Variants in B3GALT1 observed in about 807,000 individuals in gnomAD.
B3GALT1 encodes beta-1,3-galactosyltransferase 1.
A neutral mutation model predicts 23.2 loss-of-function variants in B3GALT1; 10 were observed. The ratio of observed to expected loss-of-function variants is 0.43; its 90% CI spans 0.27 to 0.73. B3GALT1 has a LOEUF of 0.73. Among genes scored for constraint, B3GALT1 ranks in the 30% least tolerant of loss-of-function variants. The pLI, the probability that B3GALT1 is intolerant of heterozygous loss-of-function variation, is 0.21. For synonymous variants in B3GALT1, 156 were observed against 141.5 expected (o/e 1.10, Z -0.73); for missense variants, 299 against 405.4 (o/e 0.74, Z 2.25).
At chr2:167,405,508 A>G (rs1288336778) in intron 1 of B3GALT1, among the ~76,000 whole-genome samples, 5 of 152,154 alleles carry the variant, frequency 3.3e-5, no homozygotes, top group African/African-American at 1.2e-4. Flanking sequence ...AGAAAAGCTC[A>G]GAAATTGAGG....
intron 3 of B3GALT1, among the ~76,000 whole-genome samples, chr2:167,781,221 C>T (rs1158946259): frequency 6.6e-6 from 1 of 152,110 alleles, no homozygotes; most frequent in Non-Finnish European, 1.5e-5. Context: ...TTTTTTAATA[C>T]TCAGAGTTCT....
At chr2:167,466,436 G>A (rs1206929013) in intron 1 of B3GALT1, among the ~76,000 whole-genome samples, 1 of 151,540 alleles carries the variant, frequency 6.6e-6, no homozygotes, top group Non-Finnish European at 1.5e-5. Context: ...TGGTCAACAT[G>A]GTGAAACCCT....
rs534171306 is a variant in B3GALT1, at chr2:167,425,627, A to G, written c.-510-64550A>G. ...AACTCCTTGGCAAATTAGTATGGGA[A>G]TAAGAGAATTGTTATGCTCCACAGT... On this transcript the variant is annotated intron_variant, in intron 1 of 4. Coordinates refer to ENST00000392690, the MANE Select transcript of B3GALT1 (RefSeq NM_020981.4). 3.9e-5 allele frequency among the ~76,000 whole-genome samples: 6 copies of G among 152,370 alleles called. No individual in the cohort carries two copies. In the South Asian group the frequency reaches 1.2e-3, roughly 32 times the overall value.
chr2:167,411,250 A>T (rs912822153), intron 1 of B3GALT1, among the ~76,000 whole-genome samples: 1 of 151,958 alleles, frequency 6.6e-6, no homozygotes, highest in African/African-American at 2.4e-5. Context: ...AACAACAACA[A>T]CAAAAATCAA....
intron 1 of B3GALT1, among the ~76,000 whole-genome samples, chr2:167,430,562 T>G (rs928809316): frequency 5.9e-5 from 9 of 152,124 alleles, no homozygotes; most frequent in African/African-American, 2.2e-4. Flanking sequence ...TGAAAGATAG[T>G]CAGCATCTGG....
At chr2:167,399,074 C>T (rs1460869771) in intron 1 of B3GALT1, among the ~76,000 whole-genome samples, 1 of 152,172 alleles carries the variant, frequency 6.6e-6, no homozygotes, top group African/African-American at 2.4e-5. Context: ...AACATTTTTA[C>T]AGCCATTACA....
intron 1 of B3GALT1, among the ~76,000 whole-genome samples, chr2:167,353,592 CAG>C (rs1193630268): frequency 1.3e-5 from 2 of 152,042 alleles, no homozygotes; most frequent in Admixed American, 6.6e-5. Context: ...ACTCAGCTAA[CAG>C]AGCAAGTACA....
At chr2:167,791,744 T>C (rs1289758470) in intron 3 of B3GALT1, among the ~76,000 whole-genome samples, 3 of 152,214 alleles carry the variant, frequency 2.0e-5, no homozygotes, top group African/African-American at 7.2e-5. Context: ...CATTGTGGTT[T>C]ACCCTTAACC....
At chr2:167,632,740 G>A (rs1664256797) in intron 2 of B3GALT1, among the ~76,000 whole-genome samples, 1 of 152,042 alleles carries the variant, frequency 6.6e-6, no homozygotes, top group Non-Finnish European at 1.5e-5. Flanking sequence ...CTCCCATTCT[G>A]TAGGTTGCCT....
intron 1 of B3GALT1, among the ~76,000 whole-genome samples, chr2:167,477,924 G>A (rs143243582): frequency 1.3e-5 from 2 of 152,282 alleles, no homozygotes; most frequent in Non-Finnish European, 2.9e-5. Context: ...TACTAACGAT[G>A]TATGAATTTG....
intron 3 of B3GALT1, among the ~76,000 whole-genome samples, chr2:167,788,129 AC>A (rs764402253): frequency 3.9e-5 from 6 of 152,088 alleles, no homozygotes; most frequent in East Asian, 1.9e-4. Context: ...TCCCTTTCTG[AC>A]CCCTGACCAG....
At chr2:167,512,535 T>C (rs1249160002) in intron 2 of B3GALT1, among the ~76,000 whole-genome samples, 1 of 98,732 alleles carries the variant, frequency 1.0e-5, no homozygotes, top group Admixed American at 1.1e-4. Flanking sequence ...TGTGTGTGTG[T>C]ATATATATAT....
intron 3 of B3GALT1, among the ~76,000 whole-genome samples, chr2:167,766,447 C>T (rs535447352): frequency 1.2e-4 from 19 of 152,278 alleles, no homozygotes; most frequent in African/African-American, 4.6e-4. Context: ...CTTTATTTCT[C>T]AACATAAGCT....
rs377698416 is a variant in B3GALT1 at position 167,410,863 on chromosome 2, G to T, written c.-510-79314G>T. 4.6e-5 allele frequency among the ~76,000 whole-genome samples: 7 copies of T among 152,070 alleles called. No individual in the cohort carries two copies. The East Asian group carries it at 1.4e-3, about 29-fold the overall frequency. ...TTGTATAATTGTGGTTCTTATACAG[G>T]TCATTAAGATTGACCTTGTGTAAGT... On this transcript the variant is annotated intron_variant, in intron 1 of 4. Coordinates refer to ENST00000392690, the MANE Select transcript of B3GALT1 (RefSeq NM_020981.4).
At chr2:167,854,990 A>G (rs904283135) in intron 4 of B3GALT1, among the ~76,000 whole-genome samples, 6 of 152,188 alleles carry the variant, frequency 3.9e-5, no homozygotes, top group African/African-American at 1.2e-4. Context: ...CTAGGATTGC[A>G]TGAACTGCAA....
chr2:167,811,220 G>A (rs780997599), intron 3 of B3GALT1, among the ~76,000 whole-genome samples: 3 of 152,044 alleles, frequency 2.0e-5, no homozygotes, highest in Non-Finnish European at 4.4e-5. Context: ...AAGTTCTTTG[G>A]GATCTTCAGT....
chr2:167,666,549 G>A (rs879617882), intron 3 of B3GALT1, among the ~76,000 whole-genome samples: 2 of 151,404 alleles, frequency 1.3e-5, no homozygotes, highest in African/African-American at 2.4e-5. Flanking sequence ...TGACAGTGGG[G>A]TGTTAAAGTC....
At chr2:167,549,460 G>A (rs1182875860) in intron 2 of B3GALT1, among the ~76,000 whole-genome samples, 2 of 152,156 alleles carry the variant, frequency 1.3e-5, no homozygotes, top group Non-Finnish European at 2.9e-5. Context: ...ACGAGTTCCT[G>A]ACAACAAGAA....
At chr2:167,415,144 A>T (rs1317476126) in intron 1 of B3GALT1, among the ~76,000 whole-genome samples, 1 of 152,180 alleles carries the variant, frequency 6.6e-6, no homozygotes, top group Admixed American at 6.5e-5. Context: ...CTTAATCCCC[A>T]TTGTGGCAGT....
Sources: allele counts gnomAD v4.1 joint callset (sites outside exome capture counted in the v4.1 genomes callset), GRCh38; gene constraint gnomAD v4.1.1; transcripts MANE v1.5; gene names NCBI Gene and HGNC (gene_info 2026-07-23, HGNC 2026-07-21).